Variants in TRDN observed in about 807,000 individuals in gnomAD.
The protein encoded by TRDN is triadin in skeletal muscle.
TRDN carries 161 observed loss-of-function variants against 149.7 expected under a neutral mutation model. That is an observed-to-expected ratio of 1.08 (90% CI 0.95 to 1.23). The LOEUF (loss-of-function observed/expected upper bound fraction) is 1.23. Ranked by LOEUF, TRDN falls within the 50% of genes most tolerant of loss-of-function variation. The pLI is 0.00. For synonymous variants in TRDN, 294 were observed against 250.5 expected, an observed-to-expected ratio of 1.17 and a Z score of -1.64; for missense variants, 896 against 823.5, an observed-to-expected ratio of 1.09 and a Z score of -1.08.
Position 123,503,744 on chromosome 6 carries a change from T to C in TRDN, c.768A>G (p.Ala256=). The stretch of plus-strand genomic sequence containing the variant: ...CTTTCTGTTCATGCTTTGACACAGC[T>C]GCTTTCTCTTTGTCCTCCTTTTCTT... The part of the protein sequence containing the change: ...KPKEKEDKEK[A]AVSKHEQKDQ... The change falls in exon 8 of 41, where the codon GCA becomes GCG. Residue 256 remains alanine, a synonymous_variant. Coordinates refer to ENST00000334268, the MANE Select transcript of TRDN (RefSeq NM_006073.4). The C allele has an allele frequency of 6.2e-7, 1 of 1,613,808 alleles. No individual in the cohort carries two copies. Among genetic ancestry groups the C allele is most frequent in the Non-Finnish European group, 8.5e-7 (1 of 1,179,828 alleles).
chr6:123,504,428 T>C (rs1162288071), intron 7 of TRDN, among the ~76,000 whole-genome samples: 1 of 152,130 alleles, frequency 6.6e-6, no homozygotes, highest in East Asian at 1.9e-4. Context: ...AATTATCGCA[T>C]TGGTGTTGAC....
At chr6:123,396,120 T>C (rs930446736) in intron 12 of TRDN, among the ~76,000 whole-genome samples, 1 of 152,180 alleles carries the variant, frequency 6.6e-6, no homozygotes, top group African/African-American at 2.4e-5. Flanking sequence ...CCTGAGTCCA[T>C]ACATGTACAA....
At chr6:123,587,727 G>A (rs56279336) in intron 1 of TRDN, among the ~76,000 whole-genome samples, 2,429 of 151,538 alleles carry the variant, frequency 0.016, 68 homozygotes, top group African/African-American at 0.055. Context: ...AGATAGGGGT[G>A]GAGCTGTTTT....
chr6:123,613,853 T>A (rs901067870), intron 1 of TRDN, among the ~76,000 whole-genome samples: 3 of 152,164 alleles, frequency 2.0e-5, no homozygotes, highest in Non-Finnish European at 4.4e-5. Flanking sequence ...TTGTGAACTT[T>A]CCTTCTTAAA....
intron 1 of TRDN, among the ~76,000 whole-genome samples, chr6:123,612,361 T>C (rs1255266321): frequency 6.6e-6 from 1 of 150,900 alleles, no homozygotes; most frequent in Non-Finnish European, 1.5e-5. Context: ...TATACATATG[T>C]AACAAACCTG....
At chr6:123,305,305 T>A (rs770768736) in intron 24 of TRDN, among the ~76,000 whole-genome samples, 20 of 152,176 alleles carry the variant, frequency 1.3e-4, no homozygotes, top group Non-Finnish European at 2.6e-4. Flanking sequence ...CTAGGGTTTC[T>A]ATATGATCAA....
intron 19 of TRDN, among the ~76,000 whole-genome samples, chr6:123,368,718 A>T (rs1197269872): frequency 2.6e-5 from 4 of 152,132 alleles, no homozygotes; most frequent in African/African-American, 9.7e-5. Flanking sequence ...TACTGCCAGA[A>T]TTTTGATTTT....
intron 5 of TRDN, among the ~76,000 whole-genome samples, chr6:123,520,923 AG>A (rs1455117231): frequency 1.3e-5 from 2 of 152,198 alleles, no homozygotes; most frequent in Non-Finnish European, 2.9e-5. Flanking sequence ...AGCTAAGAGA[AG>A]ACAAAAATAA....
chr6:123,272,692 C>T (rs1186639533), intron 29 of TRDN, among the ~76,000 whole-genome samples: 1 of 151,776 alleles, frequency 6.6e-6, no homozygotes, highest in African/African-American at 2.4e-5. Context: ...GTATAGAGCC[C>T]ATTCATCTAA....
chr6:123,530,464 T>A (rs1482135252), intron 5 of TRDN, 42 bp downstream of exon 5: 7 of 1,141,996 alleles, frequency 6.1e-6, no homozygotes, highest in Non-Finnish European at 8.2e-6. Context: ...TACACAAAAA[T>A]GTATATCTAA....
intron 2 of TRDN, among the ~76,000 whole-genome samples, chr6:123,557,550 A>G (rs1781736936): frequency 6.6e-6 from 1 of 152,058 alleles, no homozygotes; most frequent in Non-Finnish European, 1.5e-5. Context: ...GAGACAAAGG[A>G]GACGCATTTT....
At chr6:123,463,360 TA>T (rs1341586423) in intron 10 of TRDN, among the ~76,000 whole-genome samples, 12 of 114,090 alleles carry the variant, frequency 1.1e-4, no homozygotes, top group Middle Eastern at 4.2e-3. Context: ...AAATAAATAA[TA>T]AATAAATAAA....
At chr6:123,574,700 T>C (rs1489697218) in intron 1 of TRDN, among the ~76,000 whole-genome samples, 1 of 151,722 alleles carries the variant, frequency 6.6e-6, no homozygotes, top group Non-Finnish European at 1.5e-5. Context: ...TATTGAGTTG[T>C]ATATTAGAGA....
chr6:123,305,312 T>G (rs902630165), intron 24 of TRDN, among the ~76,000 whole-genome samples: 2 of 152,164 alleles, frequency 1.3e-5, no homozygotes, highest in African/African-American at 4.8e-5. Context: ...TTCTATATGA[T>G]CAATTAAAAA....
At chr6:123,406,685 G>A (rs562879033) in intron 12 of TRDN, among the ~76,000 whole-genome samples, 1 of 152,134 alleles carries the variant, frequency 6.6e-6, no homozygotes, top group South Asian at 2.1e-4. Flanking sequence ...TTACATAAAT[G>A]TCTCTGCCTT....
At chr6:123,290,363 T>C (rs1019620682) in intron 24 of TRDN, among the ~76,000 whole-genome samples, 6 of 152,114 alleles carry the variant, frequency 3.9e-5, no homozygotes, top group African/African-American at 9.7e-5. Context: ...GTGTCTAGCA[T>C]GCTTTGAAAT....
intron 1 of TRDN, among the ~76,000 whole-genome samples, chr6:123,596,407 G>A (rs951981752): frequency 1.3e-5 from 2 of 152,042 alleles, no homozygotes; most frequent in South Asian, 2.1e-4. Flanking sequence ...CTAATGTAGA[G>A]GATATATGCT....
chr6:123,306,923 A>C (rs1338785979), intron 24 of TRDN, among the ~76,000 whole-genome samples: 2 of 152,128 alleles, frequency 1.3e-5, no homozygotes, highest in Admixed American at 6.6e-5. Flanking sequence ...GTGTCCAACA[A>C]TATGCTATGC....
At chr6:123,346,334 C>G (rs986483871) in intron 21 of TRDN, among the ~76,000 whole-genome samples, 1 of 151,978 alleles carries the variant, frequency 6.6e-6, no homozygotes, top group Admixed American at 6.6e-5. Context: ...ATTACTTAAA[C>G]ACTTTTCAAA....
Sources: gnomAD v4.1 joint callset for allele counts (sites outside exome capture counted in the v4.1 genomes callset) on GRCh38, gnomAD v4.1.1 for gene constraint, MANE v1.5 for transcripts, NCBI Gene and HGNC (gene_info 2026-07-23, HGNC 2026-07-21) for gene names.